MPHOSPH9: variants seen among roughly 807,000 people sequenced by gnomAD.
MPHOSPH9 encodes M-phase phosphoprotein 9.
A neutral mutation model predicts 145.5 loss-of-function variants in MPHOSPH9; 88 were observed. That is an observed-to-expected ratio of 0.60 (90% CI 0.51 to 0.72). The LOEUF (loss-of-function observed/expected upper bound fraction) is 0.72. Among genes scored for constraint, MPHOSPH9 ranks in the 30% least tolerant of loss-of-function variants. The pLI, the probability that MPHOSPH9 is intolerant of heterozygous loss-of-function variation, is 0.00. For missense variants in MPHOSPH9, 1,238 were observed against 1,386.6 expected (o/e 0.89, Z 1.70); for synonymous variants, 435 against 486.2 (o/e 0.89, Z 1.39).
chr12:123,164,037 A>G lies in MPHOSPH9; in HGVS notation c.2821T>C (p.Cys941Arg), dbSNP rs1419433531. 2 of 1,614,062 alleles carry G rather than the reference A, an allele frequency of 1.2e-6. No homozygotes were observed. The highest frequency in any genetic ancestry group is 1.7e-6 in the Non-Finnish European group (2 of 1,180,042). The change falls in exon 19 of 24, where the codon TGT becomes CGT. Residue 941 changes from cysteine to arginine, a missense_variant. Transcript: ENST00000606320. Reference sequence around the variant, plus strand: ...AGTCTCTTTTGTCTCTGTTGGGCACACTTTTCTGGAGAACGACTTGCATTA... The same window carrying G: ...AGTCTCTTTTGTCTCTGTTGGGCACGCTTTTCTGGAGAACGACTTGCATTA... ...SVNASRSPEK[C>R]AQQRQKRLNS...
At chr12:123,160,167 A>G (rs1260316) in intron 23 of MPHOSPH9, 119,595 of 152,180 alleles carry the variant, frequency 0.79, 47,212 homozygotes, top group East Asian at 0.97. Context: ...CACCACGCCC[A>G]GCCTATAAAT....
chr12:123,212,054 A>C (rs1487257229), intron 7 of MPHOSPH9, among the ~76,000 whole-genome samples: 1 of 152,116 alleles, frequency 6.6e-6, no homozygotes, highest in Non-Finnish European at 1.5e-5. Context: ...TCAAATGTTT[A>C]TTGAGTACCT....
Position 123,165,444 on chromosome 12 carries a change from A to T in MPHOSPH9, c.2625T>A (p.Pro875=), listed in dbSNP as rs767913781. ...HRSPLEKDSS[P]GSSSTSLLIK... ...TCAACAAGCTTGTTGATGAACTTCC[A>T]GGTGAAGAATCCTTTTCCAGAGGTG... The change falls in exon 18 of 24, where the codon CCT becomes CCA. Residue 875 remains proline, a synonymous_variant. Transcript: ENST00000606320. 1 of 1,613,930 alleles carries T rather than the reference A, an allele frequency of 6.2e-7. No individual in the cohort carries two copies. Among genetic ancestry groups the T allele is most frequent in the Non-Finnish European group, 8.5e-7 (1 of 1,179,990 alleles).
intron 13 of MPHOSPH9, among the ~76,000 whole-genome samples, chr12:123,187,562 A>G (rs1187618239): frequency 6.6e-6 from 1 of 152,190 alleles, no homozygotes; most frequent in Non-Finnish European, 1.5e-5. Flanking sequence ...AATTTTTACA[A>G]GAGCAAAAAA....
intron 1 of MPHOSPH9, among the ~76,000 whole-genome samples, chr12:123,242,503 G>A (rs1004990334): frequency 6.6e-6 from 1 of 152,176 alleles, no homozygotes; most frequent in Non-Finnish European, 1.5e-5. Flanking sequence ...TGGGGAAGTG[G>A]AACCATGGGT....
At chr12:123,178,768 C>T (rs2044993089) in intron 15 of MPHOSPH9, among the ~76,000 whole-genome samples, 1 of 152,204 alleles carries the variant, frequency 6.6e-6, no homozygotes, top group Admixed American at 6.5e-5. Context: ...AGGTAATCTT[C>T]CCACCTCAGC....
intron 13 of MPHOSPH9, among the ~76,000 whole-genome samples, chr12:123,191,972 C>T (rs1489059920): frequency 1.3e-5 from 2 of 152,068 alleles, no homozygotes; most frequent in African/African-American, 4.8e-5. Flanking sequence ...TTGCTTACTC[C>T]AGGCTGGGCA....
intron 16 of MPHOSPH9, among the ~76,000 whole-genome samples, chr12:123,169,356 A>G (rs1366058878): frequency 2.7e-5 from 4 of 150,894 alleles, no homozygotes; most frequent in Non-Finnish European, 4.4e-5. Flanking sequence ...AAAATTAGCC[A>G]GGTGTGGTGA....
intron 8 of MPHOSPH9, among the ~76,000 whole-genome samples, chr12:123,207,146 T>TAAAAAAAAA (rs35392378): frequency 2.6e-5 from 3 of 114,580 alleles, no homozygotes; most frequent in Admixed American, 9.5e-5. Context: ...CTAAAGTGGT[T>TAAAAAAAAA]AAAAAAAAAA....
rs1386784667 is a variant in MPHOSPH9, at chr12:123,182,940, G to A, written c.2242-1730C>T. On this transcript the variant is annotated intron_variant, in intron 13 of 23. Coordinates refer to ENST00000606320, the MANE Select transcript of MPHOSPH9 (RefSeq NM_022782.4). ...AAAATAAATAAATAAGAGGCCGGGCGTGGTAGCTGACGCCTGTAATCCCAG... is the reference window on the plus strand; with the variant it reads ...AAAATAAATAAATAAGAGGCCGGGCATGGTAGCTGACGCCTGTAATCCCAG... Among the ~76,000 whole-genome samples the A allele has an allele frequency of 7.6e-5, 11 of 144,850 alleles. No individual in the cohort carries two copies. In the East Asian group the frequency reaches 8.4e-4, roughly 11 times the overall value.
intron 8 of MPHOSPH9, among the ~76,000 whole-genome samples, chr12:123,205,799 G>A (rs149927289): frequency 6.6e-6 from 1 of 152,262 alleles, no homozygotes; most frequent in East Asian, 1.9e-4. Flanking sequence ...GATGCCTCTT[G>A]TAATTAATGG....
chr12:123,223,966 G>T (rs1018278417), intron 3 of MPHOSPH9, among the ~76,000 whole-genome samples: 3 of 151,140 alleles, frequency 2.0e-5, no homozygotes, highest in Non-Finnish European at 4.4e-5. Flanking sequence ...GGAGTCTCTC[G>T]TTCTCTCACC....
At chr12:123,193,897 T>G (rs1298071157) in intron 13 of MPHOSPH9, among the ~76,000 whole-genome samples, 1 of 151,990 alleles carries the variant, frequency 6.6e-6, no homozygotes, top group Non-Finnish European at 1.5e-5. Context: ...TCTAAGTATC[T>G]GACTTCGTGC....
chr12:123,188,118 C>T (rs879193721), intron 13 of MPHOSPH9, among the ~76,000 whole-genome samples: 1 of 152,116 alleles, frequency 6.6e-6, no homozygotes, highest in Non-Finnish European at 1.5e-5. Flanking sequence ...AAGAGCAAGA[C>T]TCCATCTCAA....
intron 11 of MPHOSPH9, among the ~76,000 whole-genome samples, chr12:123,201,719 T>C (rs577976075): frequency 5.3e-5 from 8 of 152,272 alleles, no homozygotes; most frequent in Non-Finnish European, 1.2e-4. Context: ...AGGACTCTAC[T>C]ACTAATACTA....
intron 1 of MPHOSPH9, among the ~76,000 whole-genome samples, chr12:123,232,303 T>C (rs1036955740): frequency 6.6e-6 from 1 of 151,960 alleles, no homozygotes; most frequent in African/African-American, 2.4e-5. Flanking sequence ...CTTCTCCATT[T>C]GGGGTGGAGG....
intron 16 of MPHOSPH9, among the ~76,000 whole-genome samples, chr12:123,168,056 G>C (rs190030611): frequency 1.3e-5 from 2 of 152,110 alleles, no homozygotes; most frequent in Non-Finnish European, 2.9e-5. Flanking sequence ...CTTCAGCAAC[G>C]TGACCTACGA....
Position 123,222,106 on chromosome 12 carries a change from G to A in MPHOSPH9, c.349-211C>T, listed in dbSNP as rs188819899. On this transcript the variant is annotated intron_variant, in intron 4 of 23. Coordinates refer to ENST00000606320, the MANE Select transcript of MPHOSPH9 (RefSeq NM_022782.4). ...TCCCAGCACTTTGGGAGGCCGAGGT[G>A]GGCAGATCACAAGGTCAGGAGCTCA... Among the ~76,000 whole-genome samples, 25 of 152,006 alleles carry A rather than the reference G, an allele frequency of 1.6e-4. No individual in the cohort carries two copies. In the East Asian group the frequency reaches 4.1e-3, roughly 25 times the overall value.
At chr12:123,194,320 A>G (rs1021757805) in intron 13 of MPHOSPH9, 66 bp downstream of exon 13, 24 of 902,032 alleles carry the variant, frequency 2.7e-5, no homozygotes, top group South Asian at 7.1e-5. Context: ...AATCACTTGT[A>G]AGAGTATAAT....
Sources: allele counts gnomAD v4.1 joint callset (sites outside exome capture counted in the v4.1 genomes callset), GRCh38; gene constraint gnomAD v4.1.1; transcripts MANE v1.5; gene names NCBI Gene and HGNC (gene_info 2026-07-23, HGNC 2026-07-21).